LHX8: variants seen among roughly 807,000 people sequenced by gnomAD.
LHX8 encodes the protein LIM homeobox 8, also known as LIM/homeobox protein Lhx8.
Under a neutral mutation model 40.3 loss-of-function variants are expected in LHX8, and 12 were observed. The observed-to-expected ratio is 0.30, with a 90% CI of 0.19 to 0.48. The LOEUF (loss-of-function observed/expected upper bound fraction) is 0.48. Among genes scored for constraint, LHX8 ranks in the 20% least tolerant of loss-of-function variants. LHX8 has a pLI of 0.99. For missense variants in LHX8, 344 were observed against 433.7 expected (o/e 0.79, Z 1.84); for synonymous variants, 179 against 162.0 (o/e 1.10, Z -0.80).
chr1:75,191,002 A>T, the LHX8 span, among the ~76,000 whole-genome samples: 1 of 152,184 alleles, frequency 6.6e-6, no homozygotes, highest in East Asian at 1.9e-4. Context: ...ATTTTATTGT[A>T]TGTCAACCTA....
the LHX8 span, among the ~76,000 whole-genome samples, chr1:75,172,673 C>T: frequency 6.6e-6 from 1 of 152,166 alleles, no homozygotes; most frequent in Non-Finnish European, 1.5e-5. Context: ...AATCTTCATT[C>T]TTTTAGTCAT....
At chr1:75,183,752 A>G in the LHX8 span, among the ~76,000 whole-genome samples, 1 of 152,222 alleles carries the variant, frequency 6.6e-6, no homozygotes, top group African/African-American at 2.4e-5. Flanking sequence ...CAACAGAATG[A>G]CAGGATCAAA....
chr1:75,155,493 C>T (rs1570303961), intron 7 of LHX8, among the ~76,000 whole-genome samples: 1 of 152,088 alleles, frequency 6.6e-6, no homozygotes, highest in Non-Finnish European at 1.5e-5. Flanking sequence ...CTTGGCCTCC[C>T]AAAGTGCTGG....
chr1:75,148,857 A>G (rs1270689864), intron 7 of LHX8, among the ~76,000 whole-genome samples, 175 bp downstream of exon 7: 2 of 152,144 alleles, frequency 1.3e-5, no homozygotes, highest in Non-Finnish European at 2.9e-5. Flanking sequence ...TGATTAACTT[A>G]AAGGTCAATC....
the LHX8 span, among the ~76,000 whole-genome samples, chr1:75,172,709 A>G: frequency 6.6e-6 from 1 of 152,210 alleles, no homozygotes; most frequent in African/African-American, 2.4e-5. Context: ...GCCTTGCAGA[A>G]TGCTGGAACA....
chr1:75,182,065 T>C, the LHX8 span, among the ~76,000 whole-genome samples: 1 of 152,240 alleles, frequency 6.6e-6, no homozygotes, highest in African/African-American at 2.4e-5. Context: ...GGTCATGAAT[T>C]CTTTGCCTAA....
the LHX8 span, among the ~76,000 whole-genome samples, chr1:75,196,415 C>G: frequency 6.6e-6 from 1 of 152,064 alleles, no homozygotes; most frequent in Non-Finnish European, 1.5e-5. Context: ...TTCCCTGGAG[C>G]TTGAAAGCAA....
chr1:75,140,416 G>A (rs745312293), intron 3 of LHX8, among the ~76,000 whole-genome samples: 3 of 151,986 alleles, frequency 2.0e-5, no homozygotes, highest in East Asian at 1.9e-4. Flanking sequence ...AAGAGAACCC[G>A]GGCTTCTGCT....
At chr1:75,197,903 T>C in the LHX8 span, among the ~76,000 whole-genome samples, 1 of 152,330 alleles carries the variant, frequency 6.6e-6, no homozygotes, top group Non-Finnish European at 1.5e-5. Flanking sequence ...GGCCTTAATT[T>C]TGAAGCCTAT....
At chr1:75,189,122 A>G in the LHX8 span, among the ~76,000 whole-genome samples, 1 of 152,254 alleles carries the variant, frequency 6.6e-6, no homozygotes, top group African/African-American at 2.4e-5. Flanking sequence ...TTGCCGTTAT[A>G]GACAGTCATA....
At chr1:75,190,486 C>T in the LHX8 span, among the ~76,000 whole-genome samples, 3 of 151,936 alleles carry the variant, frequency 2.0e-5, no homozygotes, top group African/African-American at 7.2e-5. Flanking sequence ...TTGTGTCCCA[C>T]TGCTTATTTT....
At chr1:75,130,027 TA>T (rs1257601212), upstream of LHX8, 1 of 153,752 alleles carries the variant, frequency 6.5e-6, no homozygotes, top group African/African-American at 2.4e-5. Flanking sequence ...TTCTAAACAG[TA>T]AAATGCATAT....
At chr1:75,170,842 C>T in the LHX8 span, among the ~76,000 whole-genome samples, 1 of 152,186 alleles carries the variant, frequency 6.6e-6, no homozygotes, top group African/African-American at 2.4e-5. Context: ...CATATTTGCT[C>T]TCATTAATCT....
chr1:75,175,841 G>A, the LHX8 span, among the ~76,000 whole-genome samples: 1 of 152,018 alleles, frequency 6.6e-6, no homozygotes, highest in South Asian at 2.1e-4. Flanking sequence ...TCCCCCAACA[G>A]GCCTGGTGTG....
the LHX8 span, among the ~76,000 whole-genome samples, chr1:75,170,045 G>A: frequency 2.6e-5 from 4 of 152,180 alleles, no homozygotes; most frequent in African/African-American, 4.8e-5. Context: ...TGTTGCCAGA[G>A]AAATGGCCAC....
intron 5 of LHX8, 150 bp downstream of exon 5, chr1:75,143,488 CTATT>C (rs1390354348): frequency 3.6e-5 from 23 of 639,884 alleles, no homozygotes; most frequent in African/African-American, 3.1e-4. Context: ...GTGATGGTCT[CTATT>C]TGTTTATTTA....
chr1:75,130,494 A>T, upstream of LHX8: 1 of 605,542 alleles, frequency 1.7e-6, no homozygotes. Context: ...AGGCTTGCCC[A>T]GCTGGGAAGC....
chr1:75,150,206 C>G (rs1228403838), intron 7 of LHX8, among the ~76,000 whole-genome samples: 1 of 152,146 alleles, frequency 6.6e-6, no homozygotes, highest in African/African-American at 2.4e-5. Context: ...CCACTGCACT[C>G]CAGCCTGGGT....
At chr1:75,149,223 G>A (rs1648541915) in intron 7 of LHX8, among the ~76,000 whole-genome samples, 1 of 152,192 alleles carries the variant, frequency 6.6e-6, no homozygotes, top group Non-Finnish European at 1.5e-5. Flanking sequence ...TGTGAACAAA[G>A]CTGAAAAGTG....
Sources: gnomAD v4.1 joint callset for allele counts (sites outside exome capture counted in the v4.1 genomes callset) on GRCh38, gnomAD v4.1.1 for gene constraint, MANE v1.5 for transcripts, NCBI Gene and HGNC (gene_info 2026-07-23, HGNC 2026-07-21) for gene names.